The following MAPKAPK5 variants were observed in gnomAD, a reference collection of about 807,000 sequenced individuals.
The protein encoded by MAPKAPK5 is MAP kinase-activated protein kinase 5.
Under a neutral mutation model 65.1 loss-of-function variants are expected in MAPKAPK5, and 30 were observed. That is an observed-to-expected ratio of 0.46 (90% CI 0.34 to 0.63). The LOEUF (loss-of-function observed/expected upper bound fraction) is 0.63, where lower values mean the gene tolerates loss of function less well. MAPKAPK5 is among the 20% of genes least tolerant of loss of function. The probability of loss-of-function intolerance (pLI) is 0.01; values close to 1 mark genes in which losing one functional copy is unlikely to be tolerated. For missense variants in MAPKAPK5, 433 were observed against 581.4 expected, an observed-to-expected ratio of 0.74 and a Z score of 2.63; for synonymous variants, 179 against 204.6, an observed-to-expected ratio of 0.87 and a Z score of 1.07.
At chr12:111,881,403 C>CGTTTTTTTTTTTTTT (rs2070216366) in intron 8 of MAPKAPK5, among the ~76,000 whole-genome samples, 1 of 110,728 alleles carries the variant, frequency 9.0e-6, no homozygotes, top group East Asian at 2.4e-4. Flanking sequence ...CTGTCTGTTC[C>CGTTTTTTTTTTTTTT]TTTTTTTTTT....
At chr12:111,867,075 ATTTG>A (rs2069638987) in intron 3 of MAPKAPK5, among the ~76,000 whole-genome samples, 5 of 151,966 alleles carry the variant, frequency 3.3e-5, no homozygotes, top group Admixed American at 2.6e-4. Flanking sequence ...GACCACAGGC[ATTTG>A]CCACCATGCC....
At chr12:111,890,546 T>C (rs2070567327) in intron 13 of MAPKAPK5, among the ~76,000 whole-genome samples, 2 of 152,192 alleles carry the variant, frequency 1.3e-5, no homozygotes, top group Admixed American at 1.3e-4. Context: ...CTGATCCCGC[T>C]GATCTGCTTG....
chr12:111,850,093 A>G (rs2069028977), intron 1 of MAPKAPK5, among the ~76,000 whole-genome samples: 1 of 151,466 alleles, frequency 6.6e-6, no homozygotes, highest in Non-Finnish European at 1.5e-5. Flanking sequence ...TAGTGGCGTG[A>G]TCTTGGCTCA....
At chr12:111,846,909 G>A (rs541587043) in intron 1 of MAPKAPK5, among the ~76,000 whole-genome samples, 3 of 152,078 alleles carry the variant, frequency 2.0e-5, no homozygotes, top group Non-Finnish European at 4.4e-5. Flanking sequence ...TTCCTATCCT[G>A]TAGTTACTTA....
rs1251344505 is a variant in MAPKAPK5 at position 111,900,354 on chromosome 12, A to T, written c.*7293A>T. The stretch of plus-strand genomic sequence containing the variant: ...AGATGTGCTGTTGTTTGCAGCCCTG[A>T]TGGCCCATGAGCTCGGGCACAACCT... On this transcript the variant is annotated 3_prime_UTR_variant, in exon 14 of 14. Transcript: ENST00000550735. The T allele has an allele frequency of 2.2e-6, 1 of 456,058 alleles. No homozygotes were observed. The highest frequency in any genetic ancestry group is 4.4e-6 in the Non-Finnish European group (1 of 226,792). The allele number at this position is 456,058 out of a possible 1,614,324, so 28.3% of individuals were successfully genotyped here.
At chr12:111,875,205 A>G (rs1006641201) in intron 7 of MAPKAPK5, among the ~76,000 whole-genome samples, 3 of 151,772 alleles carry the variant, frequency 2.0e-5, no homozygotes, top group Non-Finnish European at 4.4e-5. Context: ...TGAGAGCCTA[A>G]AAGTGGGCAT....
intron 7 of MAPKAPK5, among the ~76,000 whole-genome samples, chr12:111,874,491 A>G (rs1276038173): frequency 7.9e-6 from 1 of 126,848 alleles, no homozygotes; most frequent in African/African-American, 3.0e-5. Flanking sequence ...TTTTTTTGAG[A>G]TGGAATTGCA....
At chr12:111,868,642 C>A in intron 4 of MAPKAPK5, 111 bp from the exon 5 acceptor site, 1 of 802,526 alleles carries the variant, frequency 1.2e-6, no homozygotes, top group Non-Finnish European at 2.0e-6. Context: ...GAAGTTGTTA[C>A]ACACTTTGTA....
chr12:111,889,886 TG>T, intron 12 of MAPKAPK5, 153 bp from the exon 13 acceptor site: 1 of 604,554 alleles, frequency 1.7e-6, no homozygotes, highest in Non-Finnish European at 3.0e-6. Flanking sequence ...GTCTACATAA[TG>T]TAGGGACTAG....
chr12:111,873,215 G>A (rs1393953792), intron 7 of MAPKAPK5, among the ~76,000 whole-genome samples: 1 of 152,076 alleles, frequency 6.6e-6, no homozygotes, highest in Non-Finnish European at 1.5e-5. Flanking sequence ...GAGAGACCAG[G>A]TTCTTTTTTT....
chr12:111,877,757 T>G (rs1811623087), intron 7 of MAPKAPK5, among the ~76,000 whole-genome samples: 2 of 152,208 alleles, frequency 1.3e-5, no homozygotes, highest in African/African-American at 4.8e-5. Flanking sequence ...CATGACTCAC[T>G]GTAGCCTCAA....
At chr12:111,844,760 A>G (rs1320125235) in intron 1 of MAPKAPK5, among the ~76,000 whole-genome samples, 1 of 152,198 alleles carries the variant, frequency 6.6e-6, no homozygotes, top group Non-Finnish European at 1.5e-5. Flanking sequence ...CGAGGAGGTG[A>G]CACTGTAGAG....
chr12:111,858,540 CT>C lies in MAPKAPK5; in HGVS notation c.37-6691del, dbSNP rs60767498. On this transcript the variant is annotated intron_variant, in intron 1 of 13. Coordinates refer to ENST00000550735, the MANE Select transcript of MAPKAPK5 (RefSeq NM_003668.4). The stretch of plus-strand genomic sequence containing the variant: ...TCACCTGAAAATCTGTTGAGCACCT[CT>C]TTTTTTTTTTTTTTTTTTCCAAAAC... Among the ~76,000 whole-genome samples the C allele has an allele frequency of 1.9e-3, 246 of 126,742 alleles. 1 individual carries two copies. The highest frequency in any genetic ancestry group is 8.4e-3 in the East Asian group (35 of 4,174). The allele number at this position is 126,742 out of a possible 152,430, so 83.1% of individuals were successfully genotyped here. A position where few individuals can be genotyped will look rare whatever the true frequency, so the allele number is the denominator to read the frequency against.
chr12:111,860,630 A>T (rs2069407237), intron 1 of MAPKAPK5, among the ~76,000 whole-genome samples: 1 of 152,152 alleles, frequency 6.6e-6, no homozygotes, highest in Admixed American at 6.5e-5. Flanking sequence ...CCAGCTGACT[A>T]TGCTGTAAGC....
At chr12:111,891,241 G>A (rs778981868) in intron 13 of MAPKAPK5, among the ~76,000 whole-genome samples, 10 of 150,480 alleles carry the variant, frequency 6.6e-5, no homozygotes, top group African/African-American at 2.4e-4. Flanking sequence ...CTACAGGCAC[G>A]TACCACCATG....
intron 1 of MAPKAPK5, among the ~76,000 whole-genome samples, chr12:111,853,714 T>A (rs1213857683): frequency 6.6e-6 from 1 of 152,066 alleles, no homozygotes; most frequent in African/African-American, 2.4e-5. Flanking sequence ...TTTATCTGTT[T>A]AGTAGAGATG....
rs2070869021 is a variant in MAPKAPK5 at position 111,897,669 on chromosome 12, T to C, written c.*4608T>C. On this transcript the variant is annotated 3_prime_UTR_variant, in exon 14 of 14. Transcript: ENST00000550735. ...ATCATTTCACTTTTCTTGCTGTAAA[T>C]TTTTTTAGTGGGTTTGTGACAGTAT... 6.6e-6 allele frequency: 1 copy of C among 152,172 alleles called. No individual in the cohort carries two copies. The highest frequency in any genetic ancestry group is 6.5e-5 in the Admixed American group (1 of 15,284). The allele number at this position is 152,172 out of a possible 1,614,324, so 9.4% of individuals were successfully genotyped here.
chr12:111,853,364 T>G (rs989771610), intron 1 of MAPKAPK5, among the ~76,000 whole-genome samples: 18 of 151,954 alleles, frequency 1.2e-4, no homozygotes, highest in African/African-American at 4.3e-4. Context: ...AGAGCGAAAC[T>G]TCGTCTCAAA....
At position 111,883,196 on chromosome 12, in the gene MAPKAPK5, G is replaced by C. The variant is rs559974807; in HGVS notation, c.661-385G>C. 2.6e-5 allele frequency among the ~76,000 whole-genome samples: 4 copies of C among 151,996 alleles called. No homozygotes were observed. Among genetic ancestry groups the C allele is most frequent in the African/African-American group, 9.6e-5 (4 of 41,480 alleles). ...GACCAACCTGACCAACATGGTGAAA[G>C]CCTATCTCTACTAAAAAAAAAATAC... is the stretch of plus-strand genomic sequence containing the variant. On this transcript the variant is annotated intron_variant, in intron 8 of 13. Coordinates refer to ENST00000550735, the MANE Select transcript of MAPKAPK5 (RefSeq NM_003668.4). The surrounding 1 kb of genome is among the most constrained non-coding windows in gnomAD (Gnocchi z 4.8).
Sources: gnomAD v4.1 joint callset for allele counts (sites outside exome capture counted in the v4.1 genomes callset) on GRCh38, gnomAD v4.1.1 for gene constraint, Gnocchi (gnomAD v3.1) non-coding constraint, MANE v1.5 for transcripts, NCBI Gene and HGNC (gene_info 2026-07-23, HGNC 2026-07-21) for gene names.